Variants in PPP1R14C observed in about 807,000 individuals in gnomAD.
PPP1R14C encodes protein phosphatase 1 regulatory inhibitor subunit 14C, also known as protein phosphatase 1 regulatory subunit 14C.
PPP1R14C carries 16 observed loss-of-function variants against 20.4 expected under a neutral mutation model. That is an observed-to-expected ratio of 0.78 (90% CI 0.53 to 1.19). PPP1R14C has a LOEUF of 1.19. Ranked by LOEUF, PPP1R14C falls within the 50% of genes most tolerant of loss-of-function variation. The pLI is 0.00. For synonymous variants in PPP1R14C, 91 were observed against 91.0 expected (o/e 1.00, Z 0.00); for missense variants, 211 against 220.1 (o/e 0.96, Z 0.26).
intron 3 of PPP1R14C, among the ~76,000 whole-genome samples, chr6:150,222,850 C>A (rs1778186698): frequency 7.5e-6 from 1 of 134,128 alleles, no homozygotes; most frequent in Non-Finnish European, 1.5e-5. Context: ...CTGCTCACTG[C>A]AACCTCTGCC....
chr6:150,189,516 G>A lies in PPP1R14C; in HGVS notation c.307-25228G>A, dbSNP rs76705660. 5.8e-4 allele frequency among the ~76,000 whole-genome samples: 88 copies of A among 150,786 alleles called. 1 individual carries two copies. In the East Asian group the frequency reaches 0.014, roughly 25 times the overall value. ...TCTTGATTGGATAAGGAAGACACCT[G>A]GCTATCCTTGATTGCATTTGGAAAA... On this transcript the variant is annotated intron_variant, in intron 1 of 3. Coordinates refer to ENST00000361131, the MANE Select transcript of PPP1R14C (RefSeq NM_030949.3).
chr6:150,187,501 CCATGTGTT>C (rs1777691831), intron 1 of PPP1R14C, among the ~76,000 whole-genome samples: 1 of 152,052 alleles, frequency 6.6e-6, no homozygotes, highest in Admixed American at 6.6e-5. Context: ...CTCTGTGTGT[CCATGTGTT>C]CTCATCTTTT....
At chr6:150,175,722 C>T (rs1422866788) in intron 1 of PPP1R14C, among the ~76,000 whole-genome samples, 1 of 152,172 alleles carries the variant, frequency 6.6e-6, no homozygotes, top group Non-Finnish European at 1.5e-5. Flanking sequence ...CAGTATCTAA[C>T]CCAGTGTTAT....
At chr6:150,231,104 C>G (rs1440405384) in intron 3 of PPP1R14C, among the ~76,000 whole-genome samples, 1 of 152,206 alleles carries the variant, frequency 6.6e-6, no homozygotes, top group Non-Finnish European at 1.5e-5. Context: ...AGGGTGGCCA[C>G]TGTGATACCA....
intron 1 of PPP1R14C, among the ~76,000 whole-genome samples, chr6:150,153,414 T>A (rs1777272256): frequency 6.6e-6 from 1 of 152,222 alleles, no homozygotes; most frequent in African/African-American, 2.4e-5. Flanking sequence ...GTAATGAAAG[T>A]CTTCAAAGAA....
chr6:150,154,486 A>G (rs1777284115), intron 1 of PPP1R14C, among the ~76,000 whole-genome samples: 1 of 152,268 alleles, frequency 6.6e-6, no homozygotes, highest in Admixed American at 6.5e-5. Context: ...ATTTGAAAAA[A>G]AATGAGGGAG....
intron 2 of PPP1R14C, 99 bp downstream of exon 2, chr6:150,214,926 G>T: frequency 1.2e-6 from 1 of 834,102 alleles, no homozygotes; most frequent in Admixed American, 2.3e-5. Context: ...CCCTGTGGTG[G>T]TGTTGGCACC....
At chr6:150,166,558 C>T (rs1045275370) in intron 1 of PPP1R14C, among the ~76,000 whole-genome samples, 1 of 152,212 alleles carries the variant, frequency 6.6e-6, no homozygotes, top group Non-Finnish European at 1.5e-5. Flanking sequence ...GATCCCCAAA[C>T]TGGGGCCAGC....
At chr6:150,202,465 G>A (rs1324944519) in intron 1 of PPP1R14C, among the ~76,000 whole-genome samples, 3 of 152,228 alleles carry the variant, frequency 2.0e-5, no homozygotes, top group Non-Finnish European at 4.4e-5. Flanking sequence ...TGGCACCCTT[G>A]CCGTTCTTAG....
At position 150,185,899 on chromosome 6, in the gene PPP1R14C, G is replaced by A. The variant is rs779989100; in HGVS notation, c.307-28845G>A. On this transcript the variant is annotated intron_variant, in intron 1 of 3. Transcript: ENST00000361131. The surrounding 1 kb of genome is among the most constrained non-coding windows in gnomAD (Gnocchi z 4.1). ...CTAGCAAGGCAGGCAAGGGTCAGGC[G>A]TGGCACCTATCGGCTCCTAAAGCCT... Among the ~76,000 whole-genome samples the A allele has an allele frequency of 5.8e-4, 89 of 152,184 alleles. 1 individual carries two copies. The highest frequency in any genetic ancestry group is 5.0e-4 in the Non-Finnish European group (34 of 68,036).
chr6:150,173,024 GT>G (rs970886928), intron 1 of PPP1R14C, among the ~76,000 whole-genome samples: 10 of 151,830 alleles, frequency 6.6e-5, no homozygotes, highest in African/African-American at 2.4e-4. Context: ...TAGACCTGGA[GT>G]TTTTTTTGTG....
At chr6:150,240,312 C>A (rs1194589332) in intron 3 of PPP1R14C, among the ~76,000 whole-genome samples, 1 of 152,114 alleles carries the variant, frequency 6.6e-6, no homozygotes, top group Non-Finnish European at 1.5e-5. Context: ...GGAGAATGTC[C>A]AGGTTCTTCG....
intron 1 of PPP1R14C, among the ~76,000 whole-genome samples, chr6:150,160,004 A>C (rs188754769): frequency 6.6e-6 from 1 of 152,262 alleles, no homozygotes; most frequent in Non-Finnish European, 1.5e-5. Flanking sequence ...AATGTCCCTC[A>C]CATGGCATTT....
chr6:150,195,631 T>C (rs1471166998), intron 1 of PPP1R14C, among the ~76,000 whole-genome samples: 1 of 152,238 alleles, frequency 6.6e-6, no homozygotes, highest in Admixed American at 6.5e-5. Flanking sequence ...TGAACCACCA[T>C]GCTCAGCCCC....
chr6:150,146,873 G>A (rs563414021), intron 1 of PPP1R14C, among the ~76,000 whole-genome samples: 4 of 152,302 alleles, frequency 2.6e-5, no homozygotes, highest in South Asian at 4.2e-4. Context: ...AGTGGGGCCC[G>A]GAGATGTGGT....
At chr6:150,245,973 A>G (rs1778485286) in intron 3 of PPP1R14C, among the ~76,000 whole-genome samples, 1 of 152,362 alleles carries the variant, frequency 6.6e-6, no homozygotes, top group East Asian at 1.9e-4. Flanking sequence ...AAATTATGTT[A>G]ATATAAAATT....
Position 150,143,511 on chromosome 6 carries a change from G to T in PPP1R14C, c.306+13G>T, listed in dbSNP as rs186520059. On this transcript the variant is annotated intron_variant, in intron 1 of 3. Coordinates refer to ENST00000361131, the MANE Select transcript of PPP1R14C (RefSeq NM_030949.3). This position sits in a 1 kb window ranked among gnomAD's most constrained non-coding sequence, Gnocchi z 5.6. Reference sequence around the variant, plus strand: ...CTACGGCTGCGAGGTACCTGGGCGCGGGGCTGGGAGGGTCGGGGACCTCTC... The same window carrying T: ...CTACGGCTGCGAGGTACCTGGGCGCTGGGCTGGGAGGGTCGGGGACCTCTC... 1.3e-6 allele frequency: 2 copies of T among 1,510,254 alleles called. No homozygotes were observed. Among genetic ancestry groups the T allele is most frequent in the Non-Finnish European group, 1.8e-6 (2 of 1,106,790 alleles). The allele number at this position is 1,510,254 out of a possible 1,614,324, so 93.6% of individuals were successfully genotyped here.
intron 1 of PPP1R14C, among the ~76,000 whole-genome samples, chr6:150,178,854 A>G (rs1162535980): frequency 2.0e-5 from 3 of 152,206 alleles, no homozygotes; most frequent in African/African-American, 7.2e-5. Flanking sequence ...CTTCATCTGC[A>G]GAGGAGGAAA....
At chr6:150,168,867 T>C (rs1229284000) in intron 1 of PPP1R14C, among the ~76,000 whole-genome samples, 2 of 152,322 alleles carry the variant, frequency 1.3e-5, no homozygotes, top group East Asian at 3.9e-4. Context: ...CATTTTAACA[T>C]ATCGATAGAA....
Sources: gnomAD v4.1 joint callset for allele counts (sites outside exome capture counted in the v4.1 genomes callset) on GRCh38, gnomAD v4.1.1 for gene constraint, Gnocchi (gnomAD v3.1) non-coding constraint, MANE v1.5 for transcripts, NCBI Gene and HGNC (gene_info 2026-07-23, HGNC 2026-07-21) for gene names.